The following ESR2 variants were observed in gnomAD, a reference collection of about 807,000 sequenced individuals.
ESR2 encodes estrogen receptor beta.
ESR2 carries 36 observed loss-of-function variants against 49.6 expected under a neutral mutation model. The ratio of observed to expected loss-of-function variants is 0.73; its 90% CI spans 0.56 to 0.96. The LOEUF (loss-of-function observed/expected upper bound fraction) is 0.96, where lower values mean the gene tolerates loss of function less well. ESR2 is among the 40% of genes least tolerant of loss of function. The pLI is 0.00. For synonymous variants in ESR2, 320 were observed against 266.1 expected (o/e 1.20, Z -1.97); for missense variants, 714 against 693.0 (o/e 1.03, Z -0.34).
intron 1 of ESR2, chr14:64,329,536 AC>A (rs1195466721): frequency 2.0e-5 from 3 of 152,108 alleles, no homozygotes; most frequent in Non-Finnish European, 2.9e-5. Context: ...TAATCTCAGC[AC>A]TTTGGGAGGC....
At chr14:64,307,316 A>G (rs1481938214) in intron 1 of ESR2, among the ~76,000 whole-genome samples, 3 of 150,620 alleles carry the variant, frequency 2.0e-5, no homozygotes, top group Non-Finnish European at 3.0e-5. Flanking sequence ...GGTTCAAGTG[A>G]TCCTCCTGCC....
At chr14:64,272,744 T>A (rs2076476235) in intron 3 of ESR2, among the ~76,000 whole-genome samples, 1 of 152,202 alleles carries the variant, frequency 6.6e-6, no homozygotes, top group Non-Finnish European at 1.5e-5. Context: ...TTTAGGCTAG[T>A]ACCACGTTGT....
At chr14:64,289,617 T>A (rs1487550370) in intron 1 of ESR2, among the ~76,000 whole-genome samples, 1 of 152,234 alleles carries the variant, frequency 6.6e-6, no homozygotes, top group Non-Finnish European at 1.5e-5. Context: ...TATCACTGGA[T>A]ACACATTTAG....
At chr14:64,287,661 T>C (rs1405100703) in intron 1 of ESR2, among the ~76,000 whole-genome samples, 1 of 152,170 alleles carries the variant, frequency 6.6e-6, no homozygotes, top group Non-Finnish European at 1.5e-5. Flanking sequence ...TACACCATTG[T>C]AATAGTTCTC....
chr14:64,303,612 A>G (rs1008268052), intron 1 of ESR2: 1 of 152,192 alleles, frequency 6.6e-6, no homozygotes, highest in Non-Finnish European at 1.5e-5. Flanking sequence ...CAGAATTTCT[A>G]AAGACTTTAA....
intron 7 of ESR2, among the ~76,000 whole-genome samples, chr14:64,244,411 A>G (rs1452809332): frequency 1.3e-5 from 2 of 152,104 alleles, no homozygotes; most frequent in Admixed American, 6.5e-5. Flanking sequence ...AAAAAAAAAA[A>G]AAAGAAAGAA....
intron 7 of ESR2, among the ~76,000 whole-genome samples, chr14:64,237,275 T>C (rs1333556417): frequency 6.6e-6 from 1 of 152,152 alleles, no homozygotes; most frequent in African/African-American, 2.4e-5. Context: ...CTTATTTTTT[T>C]TAGCCAAACA....
chr14:64,233,269 C>G lies in ESR2; in HGVS notation c.1461G>C (p.Val487=). ...TCAGCATCTCCAGCAGCAGGTCATA[C>G]ACTGGGACCACATTTTTGCACTTCA... is the stretch of plus-strand genomic sequence containing the variant. ...LNMKCKNVVP[V]YDLLLEMLNA... is the part of the protein sequence containing the mutation. Residue 487 remains valine, a synonymous_variant, in exon 9 of 9, where the codon GTG becomes GTC. Transcript: ENST00000341099. 6 of 1,614,196 alleles carry G rather than the reference C, an allele frequency of 3.7e-6. No homozygotes were observed. The highest frequency in any genetic ancestry group is 5.1e-6 in the Non-Finnish European group (6 of 1,180,018).
intron 1 of ESR2, among the ~76,000 whole-genome samples, chr14:64,291,684 TGAGCA>T (rs2076873065): frequency 6.6e-6 from 1 of 152,170 alleles, no homozygotes; most frequent in Non-Finnish European, 1.5e-5. Flanking sequence ...CTTCAAGACA[TGAGCA>T]CAGAAATTTA....
chr14:64,305,620 A>G (rs1043954423), intron 1 of ESR2, among the ~76,000 whole-genome samples: 7 of 149,828 alleles, frequency 4.7e-5, no homozygotes, highest in Admixed American at 4.0e-4. Flanking sequence ...GCAGTGAGCC[A>G]AGATCGCACC....
intron 1 of ESR2, among the ~76,000 whole-genome samples, chr14:64,333,951 A>T (rs1038742642): frequency 9.2e-5 from 14 of 152,064 alleles, no homozygotes; most frequent in Admixed American, 2.6e-4. Context: ...TTTATATATA[A>T]ATATATATTA....
intron 1 of ESR2, among the ~76,000 whole-genome samples, chr14:64,293,553 AG>A (rs1328839670): frequency 6.6e-5 from 10 of 152,238 alleles, no homozygotes; most frequent in Non-Finnish European, 1.3e-4. Context: ...CAGCAAATAA[AG>A]GAGACCAGTT....
Position 64,272,898 on chromosome 14 carries a change from T to G in ESR2, c.536-3987A>C, listed in dbSNP as rs1300385346. Reference sequence around the variant, plus strand: ...ATTTTAGGGTTGTTTTTTCTATTTCTGTGAAAATATCATTGGTATTTTGAT... The same window carrying G: ...ATTTTAGGGTTGTTTTTTCTATTTCGGTGAAAATATCATTGGTATTTTGAT... On this transcript the variant is annotated intron_variant, in intron 3 of 8. Coordinates refer to ENST00000341099, the MANE Select transcript of ESR2 (RefSeq NM_001437.3). 5.3e-5 allele frequency among the ~76,000 whole-genome samples: 8 copies of G among 152,346 alleles called. No homozygotes were observed. In the East Asian group the frequency reaches 1.5e-3, roughly 29 times the overall value.
chr14:64,227,605 C>T (rs138379290), downstream of ESR2: 13 of 1,614,024 alleles, frequency 8.1e-6, no homozygotes, highest in South Asian at 1.1e-5. Context: ...TTTGAGAGGC[C>T]TTTTCTGCCC....
intron 1 of ESR2, chr14:64,335,788 G>A (rs2077521959): frequency 6.9e-6 from 1 of 144,096 alleles, no homozygotes; most frequent in African/African-American, 2.5e-5. Context: ...ACAATGCTGT[G>A]ATAAACACCT....
At chr14:64,241,910 G>C (rs1374336896) in intron 7 of ESR2, among the ~76,000 whole-genome samples, 2 of 152,076 alleles carry the variant, frequency 1.3e-5, no homozygotes, top group Admixed American at 6.6e-5. Context: ...TAATGCACTG[G>C]GTAGAACTTA....
rs992822392 is a variant in ESR2 at position 64,232,182 on chromosome 14, A to T, written c.*955T>A. 2.0e-5 allele frequency: 3 copies of T among 152,254 alleles called. No individual in the cohort carries two copies. Among genetic ancestry groups the T allele is most frequent in the African/African-American group, 7.2e-5 (3 of 41,444 alleles). 9.4% of individuals were successfully genotyped at this position (152,254 alleles called of 1,614,324 possible). ...AGCACACTGCACACATCCACAGCCC[A>T]AAGTATCCCTGACTACTTGTGGTGA... On this transcript the variant is annotated 3_prime_UTR_variant, in exon 9 of 9. Transcript: ENST00000341099.
intron 6 of ESR2, 29 bp from the exon 7 acceptor site, chr14:64,249,708 A>T (rs914771897): frequency 5.0e-6 from 8 of 1,588,578 alleles, no homozygotes; most frequent in African/African-American, 1.4e-5. Context: ...AAATTTAAGG[A>T]ACATAGCTTC....
intron 7 of ESR2, among the ~76,000 whole-genome samples, 185 bp from the exon 8 acceptor site, chr14:64,235,335 C>A (rs558978875): frequency 6.6e-6 from 1 of 152,356 alleles, no homozygotes; most frequent in East Asian, 1.9e-4. Context: ...AGCCCCGTCA[C>A]AGAGCTAGAA....
Sources: gnomAD v4.1 joint callset for allele counts (sites outside exome capture counted in the v4.1 genomes callset) on GRCh38, gnomAD v4.1.1 for gene constraint, MANE v1.5 for transcripts, NCBI Gene and HGNC (gene_info 2026-07-23, HGNC 2026-07-21) for gene names.